FAM227A: variants seen among roughly 807,000 people sequenced by gnomAD.
The protein encoded by FAM227A is protein FAM227A.
A neutral mutation model predicts 74.7 loss-of-function variants in FAM227A; 80 were observed. The observed-to-expected ratio is 1.07, with a 90% CI of 0.89 to 1.29. The LOEUF is 1.29. Among genes scored for constraint, FAM227A ranks in the 50% most tolerant of loss-of-function variants. The pLI, the probability that FAM227A is intolerant of heterozygous loss-of-function variation, is 0.00. For missense variants in FAM227A, 654 were observed against 683.4 expected (o/e 0.96, Z 0.48); for synonymous variants, 237 against 241.8 (o/e 0.98, Z 0.19).
rs117924205 is a variant in FAM227A at position 38,643,465 on chromosome 22, G to A, written c.225+2098C>T. 3.7e-3 allele frequency among the ~76,000 whole-genome samples: 556 copies of A among 152,296 alleles called. 18 individuals carry two copies. In the East Asian group the frequency reaches 0.093, roughly 25 times the overall value. On this transcript the variant is annotated intron_variant, in intron 3 of 16. Transcript: ENST00000535113. ...AACAGCAATGGGATACCACTACGCA[G>A]CAATCAGAATGACCAAAATCTAGAA...
At position 38,583,118 on chromosome 22, in the gene FAM227A, A is replaced by G. The variant is rs893337942; in HGVS notation, c.*3007T>C. The G allele has an allele frequency of 2.5e-5, 17 of 670,312 alleles. No individual in the cohort carries two copies. Among genetic ancestry groups the G allele is most frequent in the African/African-American group, 5.5e-5 (3 of 54,636 alleles). The allele number at this position is 670,312 out of a possible 1,614,324, so 41.5% of individuals were successfully genotyped here. The stretch of plus-strand genomic sequence containing the variant: ...AGAGTGTTCTGCTTATCTGCCCCAC[A>G]TGGTGCCTTGTACTCGGCAGGTGCT... On this transcript the variant is annotated 3_prime_UTR_variant, in exon 17 of 17. Coordinates refer to ENST00000535113, the MANE Select transcript of FAM227A (RefSeq NM_001013647.2).
At chr22:38,611,463 T>C (rs530732347) in intron 11 of FAM227A, among the ~76,000 whole-genome samples, 27 of 152,284 alleles carry the variant, frequency 1.8e-4, no homozygotes, top group African/African-American at 4.6e-4. Context: ...GCTGTTGAAC[T>C]TGGGAAAATT....
At chr22:38,590,100 A>G (rs1204734707) in intron 16 of FAM227A, among the ~76,000 whole-genome samples, 1 of 151,316 alleles carries the variant, frequency 6.6e-6, no homozygotes, top group Non-Finnish European at 1.5e-5. Context: ...AAACAAAACA[A>G]AACAAAACAA....
chr22:38,622,154 G>A (rs577194376), intron 10 of FAM227A, among the ~76,000 whole-genome samples: 3 of 152,244 alleles, frequency 2.0e-5, no homozygotes, highest in South Asian at 2.1e-4. Flanking sequence ...CCCTTAATTT[G>A]CCTGTAATTA....
At chr22:38,613,280 C>CAT (rs2091481687) in intron 11 of FAM227A, among the ~76,000 whole-genome samples, 1 of 56,042 alleles carries the variant, frequency 1.8e-5, no homozygotes, top group African/African-American at 8.4e-5. Context: ...TATTATATAT[C>CAT]ATATATAATA....
chr22:38,594,887 A>G (rs1303212357), intron 15 of FAM227A, among the ~76,000 whole-genome samples: 1 of 152,146 alleles, frequency 6.6e-6, no homozygotes, highest in Non-Finnish European at 1.5e-5. Context: ...TCACGAGGTC[A>G]GGGGATCGAG....
intron 11 of FAM227A, among the ~76,000 whole-genome samples, chr22:38,617,024 T>C (rs963983448): frequency 7.9e-5 from 12 of 151,414 alleles, no homozygotes; most frequent in African/African-American, 2.9e-4. Context: ...CCCTGGGTGG[T>C]GCTGGGGAGG....
At position 38,628,309 on chromosome 22, in the gene FAM227A, G is replaced by A. The variant is rs373043879; in HGVS notation, c.655C>T (p.Arg219Trp). The stretch of plus-strand genomic sequence containing the variant: ...AGTAAGGCATAGTGCTGGGCTATCC[G>A]GTCAAACAGATTATTCTGGAGCTCC... ...NKELQNNLFD[R>W]IAQHYALLLF... The change falls in exon 8 of 17, where the codon CGG becomes TGG. Residue 219 changes from arginine (R) to tryptophan (W), a missense_variant. Physicochemically the swap from Arg to Trp is moderately radical, Grantham distance 101. Transcript: ENST00000535113. 1.4e-5 allele frequency: 21 copies of A among 1,551,272 alleles called. No homozygotes were observed. The highest frequency in any genetic ancestry group is 3.9e-5 in the Admixed American group (2 of 50,968).
At chr22:38,633,120 G>T (rs1361915073) in intron 6 of FAM227A, among the ~76,000 whole-genome samples, 1 of 152,220 alleles carries the variant, frequency 6.6e-6, no homozygotes, top group Admixed American at 6.5e-5. Flanking sequence ...AGAGTGAGGG[G>T]AGGTAACGGA....
chr22:38,614,808 CCATTGTGACAGGCAGTACCCAAA>C (rs2091541672), intron 11 of FAM227A, among the ~76,000 whole-genome samples: 1 of 152,156 alleles, frequency 6.6e-6, no homozygotes, highest in African/African-American at 2.4e-5. Flanking sequence ...TTGTTTCAAG[CCATTGTGACAGGCAGTACCCAAA>C]CACTGAATAA....
At chr22:38,594,669 T>A (rs1288309546) in intron 15 of FAM227A, among the ~76,000 whole-genome samples, 1 of 152,146 alleles carries the variant, frequency 6.6e-6, no homozygotes, top group Non-Finnish European at 1.5e-5. Context: ...ATTTTATAAA[T>A]AACTCAATTG....
rs1317063138 is a variant in FAM227A, at chr22:38,580,452, T to C, written c.*5673A>G. ...TCAGATCACATTCAAGTTTACTTAT[T>C]TGTAAGACTATTTGATAGGTGGTCT... On this transcript the variant is annotated 3_prime_UTR_variant, in exon 17 of 17. Coordinates refer to ENST00000535113, the MANE Select transcript of FAM227A (RefSeq NM_001013647.2). 1 of 152,224 alleles carries C rather than the reference T, an allele frequency of 6.6e-6. No homozygotes were observed. Among genetic ancestry groups the C allele is most frequent in the Non-Finnish European group, 1.5e-5 (1 of 68,046 alleles). The allele number at this position is 152,224 out of a possible 1,614,324, so 9.4% of individuals were successfully genotyped here. A position where few individuals can be genotyped will look rare whatever the true frequency, so the allele number is the denominator to read the frequency against.
chr22:38,591,665 C>A, intron 15 of FAM227A, 125 bp from the exon 16 acceptor site: 1 of 657,772 alleles, frequency 1.5e-6, no homozygotes, highest in Non-Finnish European at 2.4e-6. Flanking sequence ...TGAAGTATAA[C>A]ATAGAAACTA....
chr22:38,615,021 G>C (rs1229128097), intron 11 of FAM227A, among the ~76,000 whole-genome samples: 1 of 152,116 alleles, frequency 6.6e-6, no homozygotes, highest in African/African-American at 2.4e-5. Context: ...TTTGTGTTAG[G>C]TCTGTTCTAG....
At chr22:38,621,899 G>A (rs1345427883) in intron 10 of FAM227A, among the ~76,000 whole-genome samples, 3 of 152,030 alleles carry the variant, frequency 2.0e-5, no homozygotes, top group African/African-American at 4.8e-5. Flanking sequence ...CCCTCCCGCT[G>A]TTGCCTTACC....
At chr22:38,587,621 A>G (rs1189156867) in intron 16 of FAM227A, among the ~76,000 whole-genome samples, 1 of 152,224 alleles carries the variant, frequency 6.6e-6, no homozygotes, top group Admixed American at 6.5e-5. Context: ...GAAAGACTAC[A>G]GGGCTTCATT....
In FAM227A at chr22:38,583,167, T is replaced by C; in HGVS notation, c.*2958A>G. The C allele has an allele frequency of 2.3e-6, 1 of 441,670 alleles. No individual in the cohort carries two copies. The highest frequency in any genetic ancestry group is 4.0e-6 in the Non-Finnish European group (1 of 251,990). The allele number at this position is 441,670 out of a possible 1,614,324, so 27.4% of individuals were successfully genotyped here. A position where few individuals can be genotyped will look rare whatever the true frequency, so the allele number is the denominator to read the frequency against. Reference sequence around the variant, plus strand: ...CTCACACGTTCTGGTTTCAGAAGACTATACTTTTTTTTTTTTTTTTTTGAG... The same window carrying C: ...CTCACACGTTCTGGTTTCAGAAGACCATACTTTTTTTTTTTTTTTTTTGAG... On this transcript the variant is annotated 3_prime_UTR_variant, in exon 17 of 17. Transcript: ENST00000535113.
chr22:38,626,499 C>T (rs1016833655), intron 8 of FAM227A, among the ~76,000 whole-genome samples, 196 bp from the exon 9 acceptor site: 1 of 151,786 alleles, frequency 6.6e-6, no homozygotes, highest in African/African-American at 2.4e-5. Flanking sequence ...CTTGCCTCAG[C>T]CTTCTCGGTA....
intron 2 of FAM227A, among the ~76,000 whole-genome samples, chr22:38,646,525 G>C (rs2092243312): frequency 6.6e-6 from 1 of 151,760 alleles, no homozygotes; most frequent in African/African-American, 2.4e-5. Context: ...GCCTCCCAAA[G>C]TGCTGGGATT....
Sources: gnomAD v4.1 joint callset for allele counts (sites outside exome capture counted in the v4.1 genomes callset) on GRCh38, gnomAD v4.1.1 for gene constraint, MANE v1.5 for transcripts, NCBI Gene and HGNC (gene_info 2026-07-23, HGNC 2026-07-21) for gene names.